The following USP31 variants were observed in gnomAD, a reference collection of about 807,000 sequenced individuals.
The protein encoded by USP31 is ubiquitin specific peptidase 31.
Under a neutral mutation model 119.4 loss-of-function variants are expected in USP31, and 44 were observed. The ratio of observed to expected loss-of-function variants is 0.37; its 90% CI spans 0.29 to 0.47. The LOEUF is 0.47. USP31 is among the 20% of genes least tolerant of loss of function. The pLI is 0.99. For missense variants in USP31, 1,643 were observed against 1,730.2 expected (o/e 0.95, Z 0.89); for synonymous variants, 749 against 705.6 (o/e 1.06, Z -0.97).
In USP31 at chr16:23,067,972, A is replaced by T. The variant is rs775961971; in HGVS notation, c.*74T>A. 1 of 1,515,946 alleles carries T rather than the reference A, an allele frequency of 6.6e-7. No individual in the cohort carries two copies. Among genetic ancestry groups the T allele is most frequent in the Non-Finnish European group, 8.8e-7 (1 of 1,136,096 alleles). The allele number at this position is 1,515,946 out of a possible 1,614,324, so 93.9% of individuals were successfully genotyped here. A position where few individuals can be genotyped will look rare whatever the true frequency, so the allele number is the denominator to read the frequency against. On this transcript the variant is annotated 3_prime_UTR_variant, in exon 16 of 16. Transcript: ENST00000219689. ...AAAAAGTACAAAACAAAAGCACAGGAGGCTTTGGTGGGAGGGCAGGGGTTC... is the reference window on the plus strand; with the variant it reads ...AAAAAGTACAAAACAAAAGCACAGGTGGCTTTGGTGGGAGGGCAGGGGTTC...
chr16:23,124,766 G>A lies in USP31; in HGVS notation c.634-16583C>T, dbSNP rs969436226. Among the ~76,000 whole-genome samples, 8 of 152,230 alleles carry A rather than the reference G, an allele frequency of 5.3e-5. No homozygotes were observed. The South Asian group carries it at 1.0e-3, about 20-fold the overall frequency. ...TAGCCAGGTGTGGTGGTGGGTGCCC[G>A]TAAGCCCAGCTACTTGGGAGGCTGA... On this transcript the variant is annotated intron_variant, in intron 1 of 15. Transcript: ENST00000219689.
At chr16:23,090,526 A>G (rs1901309262) in intron 7 of USP31, 98 bp downstream of exon 7, 1 of 1,233,318 alleles carries the variant, frequency 8.1e-7, no homozygotes, top group Admixed American at 2.7e-5. Context: ...AAAATTAACT[A>G]CTAAAAGTAA....
At chr16:23,111,413 C>T (rs1902312505) in intron 1 of USP31, among the ~76,000 whole-genome samples, 1 of 152,100 alleles carries the variant, frequency 6.6e-6, no homozygotes, top group South Asian at 2.1e-4. Context: ...ACTGGTAGTA[C>T]CCTGCATCAA....
At chr16:23,094,496 G>T (rs748101365) in intron 6 of USP31, among the ~76,000 whole-genome samples, 6 of 152,204 alleles carry the variant, frequency 3.9e-5, no homozygotes, top group Non-Finnish European at 7.3e-5. Flanking sequence ...GAGAGCAGTG[G>T]TTCTCCCAGC....
intron 1 of USP31, among the ~76,000 whole-genome samples, chr16:23,148,029 T>C (rs1481127129): frequency 6.6e-6 from 1 of 152,200 alleles, no homozygotes; most frequent in Non-Finnish European, 1.5e-5. Flanking sequence ...TCTCGTTAAC[T>C]TCTTCAAGTC....
rs928287725 is a variant in USP31 at position 23,066,024 on chromosome 16, T to C, written c.*2022A>G. ...AAAAACGAGAGCGGTGGCTACACAC[T>C]GATGGGGCTGTGATGTGCTGGGCTG... On this transcript the variant is annotated 3_prime_UTR_variant, in exon 16 of 16. Coordinates refer to ENST00000219689, the MANE Select transcript of USP31 (RefSeq NM_020718.4). 1 of 152,228 alleles carries C rather than the reference T, an allele frequency of 6.6e-6. No homozygotes were observed. Among genetic ancestry groups the C allele is most frequent in the African/African-American group, 2.4e-5 (1 of 41,468 alleles). The allele number at this position is 152,228 out of a possible 1,614,324, so 9.4% of individuals were successfully genotyped here. A position where few individuals can be genotyped will look rare whatever the true frequency, so the allele number is the denominator to read the frequency against.
At chr16:23,126,278 A>C (rs1902849401) in intron 1 of USP31, among the ~76,000 whole-genome samples, 1 of 148,782 alleles carries the variant, frequency 6.7e-6, no homozygotes, top group Non-Finnish European at 1.5e-5. Flanking sequence ...CTGTGATCGC[A>C]CCACTGAACT....
intron 1 of USP31, among the ~76,000 whole-genome samples, chr16:23,127,791 T>G (rs1902911909): frequency 6.6e-6 from 1 of 152,078 alleles, no homozygotes; most frequent in African/African-American, 2.4e-5. Flanking sequence ...ACAACTAATA[T>G]TAACTATATA....
At chr16:23,129,481 C>G (rs964182801) in intron 1 of USP31, among the ~76,000 whole-genome samples, 3 of 152,062 alleles carry the variant, frequency 2.0e-5, no homozygotes, top group African/African-American at 7.2e-5. Flanking sequence ...GAGATATATA[C>G]TTAAATATTT....
chr16:23,119,428 TA>T (rs1902598585), intron 1 of USP31, among the ~76,000 whole-genome samples: 1 of 152,180 alleles, frequency 6.6e-6, no homozygotes, highest in Non-Finnish European at 1.5e-5. Flanking sequence ...CTCAGCTGAT[TA>T]AAAAAGCTTT....
At chr16:23,080,390 A>T (rs1184918220) in intron 12 of USP31, among the ~76,000 whole-genome samples, 1 of 152,120 alleles carries the variant, frequency 6.6e-6, no homozygotes, top group East Asian at 1.9e-4. Context: ...ATCCATATAG[A>T]GGGGGTAAAT....
At chr16:23,099,441 C>T (rs1312738018) in intron 6 of USP31, among the ~76,000 whole-genome samples, 1 of 152,118 alleles carries the variant, frequency 6.6e-6, no homozygotes, top group Non-Finnish European at 1.5e-5. Flanking sequence ...ACTAGAATTA[C>T]CATTTGACCC....
At chr16:23,117,619 G>A (rs1268069081) in intron 1 of USP31, among the ~76,000 whole-genome samples, 1 of 152,164 alleles carries the variant, frequency 6.6e-6, no homozygotes. Flanking sequence ...AGTAGCAAGA[G>A]AAGACTCCAA....
Position 23,106,317 on chromosome 16 carries a change from A to C in USP31, c.861-12T>G. 1 of 1,614,162 alleles carries C rather than the reference A, an allele frequency of 6.2e-7. No homozygotes were observed. Among genetic ancestry groups the C allele is most frequent in the South Asian group, 1.1e-5 (1 of 91,058 alleles). ...ACGTCAAAGAAGATCTTCAAAACAA[A>C]AAGGTAAGACGCTTGACATTAAAAT... is the stretch of plus-strand genomic sequence containing the variant. On this transcript the variant is annotated splice_polypyrimidine_tract_variant and intron_variant, in intron 3 of 15. Coordinates refer to ENST00000219689, the MANE Select transcript of USP31 (RefSeq NM_020718.4).
At chr16:23,133,395 G>C (rs1328092908) in intron 1 of USP31, among the ~76,000 whole-genome samples, 3 of 152,188 alleles carry the variant, frequency 2.0e-5, no homozygotes, top group African/African-American at 7.2e-5. Context: ...CCTCCTACAA[G>C]CCAGGCACAG....
rs1488121805 is a variant in USP31 at position 23,079,790 on chromosome 16, C to G, written c.2176+156G>C. The G allele has an allele frequency of 2.0e-5, 13 of 646,882 alleles. No homozygotes were observed. In the Admixed American group the frequency reaches 3.9e-4, roughly 20 times the overall value. The allele number at this position is 646,882 out of a possible 1,614,324, so 40.1% of individuals were successfully genotyped here. On this transcript the variant is annotated intron_variant, in intron 13 of 15. Coordinates refer to ENST00000219689, the MANE Select transcript of USP31 (RefSeq NM_020718.4). ...AGGAGGAAGAATGTTCGTTTATTTG[C>G]TCTTGGGCAGAGATCCAGAGGATGG...
chr16:23,067,920 C>G lies in USP31; in HGVS notation c.*126G>C, dbSNP rs1299655560. The G allele has an allele frequency of 8.0e-7, 1 of 1,251,402 alleles. No homozygotes were observed. The highest frequency in any genetic ancestry group is 1.5e-5 in the South Asian group (1 of 67,142). 77.5% of individuals were successfully genotyped at this position (1,251,402 alleles called of 1,614,324 possible). On this transcript the variant is annotated 3_prime_UTR_variant, in exon 16 of 16. Coordinates refer to ENST00000219689, the MANE Select transcript of USP31 (RefSeq NM_020718.4). ...ACACACACACGCATACACTCACACA[C>G]ACACACACAGTCGGGCACGTGACTC...
intron 12 of USP31, among the ~76,000 whole-genome samples, chr16:23,080,395 G>T (rs953978842): frequency 6.6e-6 from 1 of 152,066 alleles, no homozygotes; most frequent in Non-Finnish European, 1.5e-5. Flanking sequence ...TATAGAGGGG[G>T]TAAATGAGCC....
chr16:23,129,968 T>C (rs1030737026), intron 1 of USP31, among the ~76,000 whole-genome samples: 9 of 152,158 alleles, frequency 5.9e-5, no homozygotes, highest in Admixed American at 4.6e-4. Flanking sequence ...ATAATAATGC[T>C]AACAGATTTC....
Sources: gnomAD v4.1 joint callset for allele counts (sites outside exome capture counted in the v4.1 genomes callset) on GRCh38, gnomAD v4.1.1 for gene constraint, MANE v1.5 for transcripts, NCBI Gene and HGNC (gene_info 2026-07-23, HGNC 2026-07-21) for gene names.